MYO9A: variants seen among roughly 807,000 people sequenced by gnomAD.
The protein encoded by MYO9A is myosin IXA.
In MYO9A, 103 loss-of-function variants were observed where a neutral mutation model predicts 293.3. The ratio of observed to expected loss-of-function variants is 0.35; its 90% CI spans 0.30 to 0.41. The LOEUF (loss-of-function observed/expected upper bound fraction) is 0.41, where lower values mean the gene tolerates loss of function less well. MYO9A is among the 10% of genes least tolerant of loss of function. The pLI is 1.00. For missense variants in MYO9A, 2,685 were observed against 3,033.0 expected (o/e 0.89, Z 2.69); for synonymous variants, 1,001 against 1,035.7 (o/e 0.97, Z 0.64).
At chr15:72,091,689 T>TA (rs2079914978) in intron 1 of MYO9A, among the ~76,000 whole-genome samples, 1 of 151,050 alleles carries the variant, frequency 6.6e-6, no homozygotes, top group Admixed American at 6.7e-5. Context: ...TAAAACTAAA[T>TA]ACATCAGAAA....
At chr15:71,982,371 G>GTTA (rs1246269215) in intron 11 of MYO9A, among the ~76,000 whole-genome samples, 1 of 151,664 alleles carries the variant, frequency 6.6e-6, no homozygotes. Context: ...TTATTTTTTA[G>GTTA]TTACTGATTT....
intron 1 of MYO9A, among the ~76,000 whole-genome samples, chr15:72,100,877 G>A (rs1396092190): frequency 4.4e-5 from 6 of 137,346 alleles, no homozygotes; most frequent in Admixed American, 3.6e-4. Context: ...GGTGGGGGGG[G>A]TCAGCCCCCC....
chr15:72,008,810 T>C (rs2077093011), intron 7 of MYO9A, among the ~76,000 whole-genome samples: 1 of 152,194 alleles, frequency 6.6e-6, no homozygotes, highest in Admixed American at 6.5e-5. Flanking sequence ...TCTCCTTATA[T>C]ATATACAGCT....
intron 25 of MYO9A, 35 bp from the exon 26 acceptor site, chr15:71,893,813 T>A: frequency 6.5e-7 from 1 of 1,547,952 alleles, no homozygotes; most frequent in Non-Finnish European, 8.9e-7. Context: ...ATTTCAGTTC[T>A]TAGCAGATAT....
chr15:72,049,833 A>G (rs1343870041), intron 1 of MYO9A, among the ~76,000 whole-genome samples: 1 of 152,158 alleles, frequency 6.6e-6, no homozygotes, highest in Non-Finnish European at 1.5e-5. Flanking sequence ...CTGTGGAAAA[A>G]TTTTCATCTA....
At position 71,843,005 on chromosome 15, in the gene MYO9A, G is replaced by C. The variant is rs1018910709; in HGVS notation, c.6837+5840C>G. Among the ~76,000 whole-genome samples the C allele has an allele frequency of 6.6e-5, 10 of 152,116 alleles. No homozygotes were observed. In the South Asian group the frequency reaches 2.1e-3, roughly 32 times the overall value. ...AAAGACCTTTTCCCCTCTCTGCTCT[G>C]AGACAGCTTAAATTATATTGTAATT... On this transcript the variant is annotated intron_variant, in intron 39 of 41. Coordinates refer to ENST00000356056, the MANE Select transcript of MYO9A (RefSeq NM_006901.4).
intron 19 of MYO9A, 62 bp downstream of exon 19, chr15:71,916,308 C>G (rs913518295): frequency 1.3e-6 from 2 of 1,565,416 alleles, no homozygotes; most frequent in Non-Finnish European, 1.7e-6. Flanking sequence ...ATCACTTTAA[C>G]CTTTCAATGA....
chr15:71,927,674 G>A (rs1165783517), intron 18 of MYO9A, among the ~76,000 whole-genome samples: 1 of 152,048 alleles, frequency 6.6e-6, no homozygotes, highest in East Asian at 1.9e-4. Flanking sequence ...TGATATGGAT[G>A]ACTGTATTTA....
At chr15:71,983,955 T>A (rs954613488) in intron 11 of MYO9A, among the ~76,000 whole-genome samples, 13 of 152,220 alleles carry the variant, frequency 8.5e-5, no homozygotes, top group African/African-American at 3.1e-4. Flanking sequence ...AAGGAAAATA[T>A]GCCATTGTCT....
chr15:71,898,303 C>T lies in MYO9A; in HGVS notation c.4200G>A (p.Glu1400=). ...TCAGCTGTGGTTTACAGGTAATAGA[C>T]TCAGAACTGCAGACCACCATTTCCT... ...TMKEMVVCSS[E]SITCKPQLKD... The change falls in exon 25 of 42, where the codon GAG becomes GAA. Residue 1400 remains glutamate (E), a synonymous_variant. Coordinates refer to ENST00000356056, the MANE Select transcript of MYO9A (RefSeq NM_006901.4). 6.2e-7 allele frequency: 1 copy of T among 1,614,056 alleles called. No homozygotes were observed. The highest frequency in any genetic ancestry group is 8.5e-7 in the Non-Finnish European group (1 of 1,180,030).
chr15:72,106,985 G>C (rs2080592291), intron 1 of MYO9A, among the ~76,000 whole-genome samples: 1 of 152,046 alleles, frequency 6.6e-6, no homozygotes, highest in South Asian at 2.1e-4. Flanking sequence ...ATTTATTTTT[G>C]AAACTATTTT....
At chr15:71,908,901 C>A (rs1372810130) in intron 19 of MYO9A, among the ~76,000 whole-genome samples, 1 of 152,130 alleles carries the variant, frequency 6.6e-6, no homozygotes, top group African/African-American at 2.4e-5. Context: ...GTCCTCTATG[C>A]TCTGCCTACT....
intron 11 of MYO9A, among the ~76,000 whole-genome samples, chr15:71,987,960 T>G (rs2076446723): frequency 6.6e-6 from 1 of 152,170 alleles, no homozygotes; most frequent in South Asian, 2.1e-4. Context: ...TTCCAAGTAG[T>G]TTTGAACACA....
At chr15:72,064,822 CA>C (rs2078972237) in intron 1 of MYO9A, among the ~76,000 whole-genome samples, 1 of 152,162 alleles carries the variant, frequency 6.6e-6, no homozygotes, top group South Asian at 2.1e-4. Flanking sequence ...CAATTCCAAA[CA>C]AAATACTAGT....
At chr15:71,832,233 G>A (rs781563763) in intron 39 of MYO9A, among the ~76,000 whole-genome samples, 1 of 152,126 alleles carries the variant, frequency 6.6e-6, no homozygotes, top group Non-Finnish European at 1.5e-5. Flanking sequence ...CCAAGATTAC[G>A]CCACTGCACT....
At chr15:71,883,857 A>C in intron 27 of MYO9A, 121 bp from the exon 28 acceptor site, 1 of 889,726 alleles carries the variant, frequency 1.1e-6, no homozygotes, top group Non-Finnish European at 1.6e-6. Context: ...CTTCACATTT[A>C]AATTAAGTGT....
At chr15:71,851,123 T>G in intron 37 of MYO9A, 130 bp downstream of exon 37, 1 of 708,912 alleles carries the variant, frequency 1.4e-6, no homozygotes, top group Non-Finnish European at 2.3e-6. Flanking sequence ...ACCACCTGTT[T>G]GAGACACTGA....
At chr15:71,849,364 G>A (rs568141226) in intron 38 of MYO9A, among the ~76,000 whole-genome samples, 42 of 152,176 alleles carry the variant, frequency 2.8e-4, no homozygotes, top group African/African-American at 9.1e-4. Flanking sequence ...CACGAGAATC[G>A]CTTAAACCTG....
intron 1 of MYO9A, among the ~76,000 whole-genome samples, chr15:72,074,851 T>G (rs529643254): frequency 6.6e-6 from 1 of 152,046 alleles, no homozygotes; most frequent in Non-Finnish European, 1.5e-5. Context: ...ATAACTCAAT[T>G]CCATGTCAGA....
Sources: gnomAD v4.1 joint callset for allele counts (sites outside exome capture counted in the v4.1 genomes callset) on GRCh38, gnomAD v4.1.1 for gene constraint, MANE v1.5 for transcripts, NCBI Gene and HGNC (gene_info 2026-07-23, HGNC 2026-07-21) for gene names.